Variants in TEX11 observed in about 807,000 individuals in gnomAD.
TEX11 encodes testis-expressed protein 11.
A neutral mutation model predicts 84.4 loss-of-function variants in TEX11; 7 were observed. That is an observed-to-expected ratio of 0.08 (90% CI 0.05 to 0.16). The LOEUF is 0.16. Ranked by LOEUF, TEX11 falls within the 10% of genes least tolerant of loss-of-function variation. The probability of loss-of-function intolerance (pLI) is 1.00; values close to 1 mark genes in which losing one functional copy is unlikely to be tolerated. For synonymous variants in TEX11, 264 were observed against 222.8 expected (o/e 1.18, Z -1.64); for missense variants, 551 against 660.5 (o/e 0.83, Z 1.82).
At chrX:70,771,020 C>A (rs1291000597) in intron 9 of TEX11, among the ~76,000 whole-genome samples, 1 of 111,829 alleles carries the variant, frequency 8.9e-6, no homozygotes, top group East Asian at 2.8e-4. Context: ...AAAATTTACT[C>A]CTCCCCTAAC....
At chrX:70,641,083 C>A (rs2089650860) in intron 17 of TEX11, among the ~76,000 whole-genome samples, 1 of 110,829 alleles carries the variant, frequency 9.0e-6, no homozygotes, top group South Asian at 3.9e-4. Context: ...ATCTACCAAG[C>A]AAATGGAAAA....
chrX:70,735,829 C>A (rs2090691431), intron 11 of TEX11, among the ~76,000 whole-genome samples: 2 of 111,898 alleles, frequency 1.8e-5, no homozygotes, highest in Non-Finnish European at 3.8e-5. Context: ...TCTCATTGTG[C>A]TTCTAATTTG....
chrX:70,826,003 T>A (rs1417155240), intron 8 of TEX11, among the ~76,000 whole-genome samples: 4 of 104,045 alleles, frequency 3.8e-5, no homozygotes, highest in Non-Finnish European at 7.8e-5. Flanking sequence ...AAATAAATAA[T>A]CACCTTATAA....
Position 70,833,950 on chromosome X carries a change from C to T in TEX11, c.526-357G>A, listed in dbSNP as rs779528056. Among the ~76,000 whole-genome samples the T allele has an allele frequency of 5.4e-5, 6 of 111,490 alleles. No individual in the cohort carries two copies. In the South Asian group the frequency reaches 2.3e-3, roughly 42 times the overall value. On this transcript the variant is annotated intron_variant, in intron 7 of 29. Coordinates refer to ENST00000374333, the MANE Select transcript of TEX11 (RefSeq NM_031276.3). Reference sequence around the variant, plus strand: ...TCACTTCTACATTAGAGGAATTAAGCTAAACAGCAGTCTTTGTCTTAAAGC... The same window carrying T: ...TCACTTCTACATTAGAGGAATTAAGTTAAACAGCAGTCTTTGTCTTAAAGC...
chrX:70,571,429 T>C (rs1464890721), intron 25 of TEX11, among the ~76,000 whole-genome samples: 1 of 112,429 alleles, frequency 8.9e-6, no homozygotes, highest in African/African-American at 3.2e-5. Context: ...AGACTCAAGT[T>C]GGAAGCTTAG....
intron 13 of TEX11, among the ~76,000 whole-genome samples, chrX:70,710,660 C>T (rs947782602): frequency 8.2e-5 from 9 of 109,845 alleles, no homozygotes; most frequent in African/African-American, 2.6e-4. Flanking sequence ...GATCAGGTCC[C>T]ATTCCAGACC....
At chrX:70,609,262 A>C in intron 21 of TEX11, 85 bp from the exon 22 acceptor site, 98 of 839,800 alleles carry the variant, frequency 1.2e-4, no homozygotes, top group Non-Finnish European at 1.5e-4. Context: ...GAACAGTCTC[A>C]CAGGAGTTTG....
chrX:70,603,962 T>C lies in TEX11; in HGVS notation c.2067+1439A>G, dbSNP rs954285621. On this transcript the variant is annotated intron_variant, in intron 24 of 29. Coordinates refer to ENST00000374333, the MANE Select transcript of TEX11 (RefSeq NM_031276.3). ...ATTCATAGGGACCACACTTAGATGA[T>C]AAAAGGCAGAAGTGCATCTTCAATT... 1.1e-4 allele frequency among the ~76,000 whole-genome samples: 12 copies of C among 112,042 alleles called. 1 individual carries two copies. The highest frequency in any genetic ancestry group is 2.1e-4 in the Non-Finnish European group (11 of 53,154).
At chrX:70,606,516 C>T (rs2089196614) in intron 23 of TEX11, among the ~76,000 whole-genome samples, 1 of 112,063 alleles carries the variant, frequency 8.9e-6, no homozygotes, top group African/African-American at 3.2e-5. Flanking sequence ...TAAAGGAGGC[C>T]TAAGCTTCTT....
chrX:70,814,076 T>G (rs1396408150), intron 8 of TEX11, among the ~76,000 whole-genome samples: 1 of 111,693 alleles, frequency 9.0e-6, no homozygotes, highest in East Asian at 2.8e-4. Context: ...ACCAATGACT[T>G]TCTTCACAGA....
intron 13 of TEX11, among the ~76,000 whole-genome samples, chrX:70,718,235 A>T (rs1032506457): frequency 8.9e-6 from 1 of 112,432 alleles, no homozygotes; most frequent in African/African-American, 3.2e-5. Flanking sequence ...CTTTACTGAC[A>T]TTAGTAAAAT....
At chrX:70,742,611 C>T (rs960758045) in intron 10 of TEX11, among the ~76,000 whole-genome samples, 13 of 108,954 alleles carry the variant, frequency 1.2e-4, no homozygotes, top group Non-Finnish European at 1.7e-4. Context: ...TACCTGTAGT[C>T]CCAGCTACTC....
At chrX:70,842,758 C>T (rs1271354095) in intron 7 of TEX11, among the ~76,000 whole-genome samples, 1 of 111,839 alleles carries the variant, frequency 8.9e-6, no homozygotes, top group Admixed American at 9.6e-5. Flanking sequence ...AAAATCTCCT[C>T]AAGCTGATAA....
chrX:70,688,159 A>T (rs1254881031), intron 13 of TEX11, among the ~76,000 whole-genome samples: 2 of 111,471 alleles, frequency 1.8e-5, no homozygotes, highest in Non-Finnish European at 3.8e-5. Flanking sequence ...AAACATGATA[A>T]ATCCAAAGAA....
rs369153831 is a variant in TEX11 at position 70,704,497 on chromosome X, G to T, written c.1004+18121C>A. ...TATAAAGATGTTTGAAGTTACTACT[G>T]AGTCCAGTACTCGAAATCATTATTC... On this transcript the variant is annotated intron_variant, in intron 13 of 29. Coordinates refer to ENST00000374333, the MANE Select transcript of TEX11 (RefSeq NM_031276.3). 3.7e-4 allele frequency among the ~76,000 whole-genome samples: 41 copies of T among 111,381 alleles called. No individual in the cohort carries two copies. The South Asian group carries it at 0.012, about 34-fold the overall frequency.
chrX:70,748,530 T>C (rs1358566241), intron 9 of TEX11, among the ~76,000 whole-genome samples: 1 of 111,585 alleles, frequency 9.0e-6, no homozygotes, highest in East Asian at 2.8e-4. Context: ...GCCTAGGTTT[T>C]CTTTAGGGTT....
rs1258514562 is a variant in TEX11 at position 70,601,555 on chromosome X, T to TTTA, written c.2067+3845_2067+3846insTAA. Among the ~76,000 whole-genome samples, 38 of 97,369 alleles carry TTTA rather than the reference T, an allele frequency of 3.9e-4. No individual in the cohort carries two copies. In the South Asian group the frequency reaches 7.4e-3, roughly 19 times the overall value. The allele number at this position is 97,369 out of a possible 115,157, so 84.6% of individuals were successfully genotyped here. On this transcript the variant is annotated intron_variant, in intron 24 of 29. Transcript: ENST00000374333. The stretch of plus-strand genomic sequence containing the variant: ...CATTCTTTTTTTTTTTTTTTTTTTT[T>TTTA]ATTGATCATTCTTGGGTGTTTCTCG...
chrX:70,836,910 G>A (rs749950805), intron 7 of TEX11, among the ~76,000 whole-genome samples: 26 of 110,985 alleles, frequency 2.3e-4, no homozygotes, highest in African/African-American at 7.5e-4. Flanking sequence ...TCAGCCACTC[G>A]GGAGGCTGAG....
chrX:70,547,027 CAAAAAA>C (rs58220663), intron 28 of TEX11, among the ~76,000 whole-genome samples: 35 of 33,879 alleles, frequency 1.0e-3, no homozygotes, highest in Admixed American at 5.8e-3. Flanking sequence ...TATTATTCAG[CAAAAAA>C]AAAAAAAAAA....
Sources: allele counts gnomAD v4.1 joint callset (sites outside exome capture counted in the v4.1 genomes callset), GRCh38; gene constraint gnomAD v4.1.1; transcripts MANE v1.5; gene names NCBI Gene and HGNC (gene_info 2026-07-23, HGNC 2026-07-21).